JMJD1C: variants seen among roughly 807,000 people sequenced by gnomAD.
The protein encoded by JMJD1C is jumonji domain-containing protein 1C.
Under a neutral mutation model 245.3 loss-of-function variants are expected in JMJD1C, and 31 were observed. That is an observed-to-expected ratio of 0.13 (90% CI 0.09 to 0.17). The LOEUF is 0.17. JMJD1C is among the 10% of genes least tolerant of loss of function. JMJD1C has a pLI of 1.00. For missense variants in JMJD1C, 2,691 were observed against 3,000.2 expected (o/e 0.90, Z 2.41); for synonymous variants, 1,057 against 1,017.4 (o/e 1.04, Z -0.74).
intron 1 of JMJD1C, among the ~76,000 whole-genome samples, chr10:63,462,616 C>T (rs1207572969): frequency 1.3e-5 from 2 of 152,092 alleles, no homozygotes; most frequent in Non-Finnish European, 2.9e-5. Flanking sequence ...AATGGGGAAG[C>T]AGGAGAGTTA....
chr10:63,468,108 T>G (rs750875520), upstream of JMJD1C, among the ~76,000 whole-genome samples: 1 of 152,198 alleles, frequency 6.6e-6, no homozygotes, highest in Non-Finnish European at 1.5e-5. Flanking sequence ...CTGAAAAGCA[T>G]GTAATCCAAC....
intron 2 of JMJD1C, among the ~76,000 whole-genome samples, chr10:63,317,743 C>T (rs567096462): frequency 5.3e-5 from 8 of 152,300 alleles, no homozygotes; most frequent in Admixed American, 3.3e-4. Flanking sequence ...ATTCCAAAGG[C>T]CACTGAAATT....
rs1357111131 is a variant in JMJD1C, at chr10:63,194,030, A to C, written c.5734+256T>G. Among the ~76,000 whole-genome samples, 3 of 152,210 alleles carry C rather than the reference A, an allele frequency of 2.0e-5. No individual in the cohort carries two copies. In the East Asian group the frequency reaches 5.8e-4, roughly 29 times the overall value. ...TTAGATATGCTCAAAAATTATAAGA[A>C]GCTTTCATTAAAAATCCAATAGGCC... On this transcript the variant is annotated intron_variant, in intron 14 of 25. Transcript: ENST00000399262.
upstream of JMJD1C, among the ~76,000 whole-genome samples, chr10:63,469,384 GT>G (rs764514339): frequency 6.6e-6 from 1 of 152,088 alleles, no homozygotes; most frequent in Non-Finnish European, 1.5e-5. Context: ...TAAGAAACTG[GT>G]TTTCAAAACC....
chr10:63,328,835 G>A (rs530662281), intron 2 of JMJD1C, among the ~76,000 whole-genome samples: 2 of 152,050 alleles, frequency 1.3e-5, no homozygotes, highest in Non-Finnish European at 2.9e-5. Flanking sequence ...ATTTATTTGG[G>A]ACATTTATTC....
At chr10:63,422,563 T>A (rs1564903700) in intron 1 of JMJD1C, among the ~76,000 whole-genome samples, 1 of 152,352 alleles carries the variant, frequency 6.6e-6, no homozygotes, top group East Asian at 1.9e-4. Flanking sequence ...CTTCAGAACA[T>A]TAATTCTAAT....
At chr10:63,343,562 CATCTT>C (rs1243361963) in intron 2 of JMJD1C, among the ~76,000 whole-genome samples, 1 of 152,074 alleles carries the variant, frequency 6.6e-6, no homozygotes, top group Non-Finnish European at 1.5e-5. Flanking sequence ...CTACTCTAAT[CATCTT>C]AGCTTGAATG....
At chr10:63,468,192 C>T (rs936340133), upstream of JMJD1C, among the ~76,000 whole-genome samples, 3 of 152,116 alleles carry the variant, frequency 2.0e-5, no homozygotes, top group Non-Finnish European at 4.4e-5. Flanking sequence ...TATTTTTAAT[C>T]AAGTATCTTA....
At chr10:63,359,778 T>C (rs1945167363) in intron 2 of JMJD1C, among the ~76,000 whole-genome samples, 1 of 152,210 alleles carries the variant, frequency 6.6e-6, no homozygotes, top group Non-Finnish European at 1.5e-5. Flanking sequence ...GTACTGAAAG[T>C]TGTTATAACT....
intron 1 of JMJD1C, among the ~76,000 whole-genome samples, chr10:63,392,873 C>CACACAA (rs200422706): frequency 0.1 from 12,794 of 124,732 alleles, 927 homozygotes; most frequent in East Asian, 0.26. Flanking sequence ...CATAAACACA[C>CACACAA]ACACACACAC....
At position 63,420,131 on chromosome 10, in the gene JMJD1C, T is replaced by A. The variant is rs186422013; in HGVS notation, c.169-39649A>T. On this transcript the variant is annotated intron_variant, in intron 1 of 25. Coordinates refer to ENST00000399262, the MANE Select transcript of JMJD1C (RefSeq NM_032776.3). ...AGCCTGGGCAACAGAGGAGACGCTGTCTCAAAAAAAAAAAAATCACCCCAG... is the reference window on the plus strand; with the variant it reads ...AGCCTGGGCAACAGAGGAGACGCTGACTCAAAAAAAAAAAAATCACCCCAG... 3.4e-3 allele frequency among the ~76,000 whole-genome samples: 492 copies of A among 143,254 alleles called. 2 individuals carry two copies. The highest frequency in any genetic ancestry group is 0.012 in the African/African-American group (477 of 40,164). 94.0% of individuals were successfully genotyped at this position (143,254 alleles called of 152,430 possible).
intron 1 of JMJD1C, among the ~76,000 whole-genome samples, chr10:63,482,745 G>A (rs1953868602): frequency 6.6e-6 from 1 of 152,126 alleles, no homozygotes; most frequent in African/African-American, 2.4e-5. Context: ...CAAATCACTT[G>A]ATCTCTCTGT....
At chr10:63,458,731 A>ATTTTT (rs71463523) in intron 1 of JMJD1C, among the ~76,000 whole-genome samples, 12 of 145,454 alleles carry the variant, frequency 8.3e-5, no homozygotes, top group South Asian at 4.3e-4. Flanking sequence ...TTATTTATTT[A>ATTTTT]TTTTTTTTTT....
At chr10:63,352,637 CAA>C (rs145589142) in intron 2 of JMJD1C, among the ~76,000 whole-genome samples, 39,032 of 97,034 alleles carry the variant, frequency 0.4, 4,737 homozygotes, top group South Asian at 0.48. Context: ...GACTCTGTCT[CAA>C]AAAAAAAAAA....
chr10:63,241,003 G>C (rs530010883), intron 3 of JMJD1C, among the ~76,000 whole-genome samples: 1 of 152,288 alleles, frequency 6.6e-6, no homozygotes, highest in East Asian at 1.9e-4. Context: ...AAGCAAATGA[G>C]TAAGCCTATG....
chr10:63,243,452 G>A (rs1851780629), intron 3 of JMJD1C, among the ~76,000 whole-genome samples: 1 of 151,994 alleles, frequency 6.6e-6, no homozygotes, highest in East Asian at 1.9e-4. Context: ...CTTGAACCTG[G>A]GAAGCGGAAG....
chr10:63,186,430 C>CT (rs540765795), intron 18 of JMJD1C, 47 bp from the exon 19 acceptor site: 1 of 1,452,718 alleles, frequency 6.9e-7, no homozygotes, highest in East Asian at 2.4e-5. Flanking sequence ...TATAGACTTT[C>CT]TTTTTTGTTT....
chr10:63,502,441 A>T (rs943330369), intron 1 of JMJD1C, among the ~76,000 whole-genome samples: 3 of 152,174 alleles, frequency 2.0e-5, no homozygotes, highest in African/African-American at 7.2e-5. Context: ...GTTCAAGACC[A>T]GCCTGACCAA....
chr10:63,447,602 A>C (rs938610419), intron 1 of JMJD1C, among the ~76,000 whole-genome samples: 1 of 152,126 alleles, frequency 6.6e-6, no homozygotes, highest in African/African-American at 2.4e-5. Flanking sequence ...AATTACTTAG[A>C]TGGACAGAAA....
Sources: gnomAD v4.1 joint callset for allele counts (sites outside exome capture counted in the v4.1 genomes callset) on GRCh38, gnomAD v4.1.1 for gene constraint, MANE v1.5 for transcripts, NCBI Gene and HGNC (gene_info 2026-07-23, HGNC 2026-07-21) for gene names.